The following DAB1 variants were observed in gnomAD, a reference collection of about 807,000 sequenced individuals.
DAB1 encodes the protein disabled homolog 1.
DAB1 carries 15 observed loss-of-function variants against 64.6 expected under a neutral mutation model. The observed-to-expected ratio is 0.23, with a 90% CI of 0.16 to 0.36. The LOEUF is 0.36. Ranked by LOEUF, DAB1 falls within the 10% of genes least tolerant of loss-of-function variation. The pLI is 1.00. For missense variants in DAB1, 596 were observed against 706.7 expected (o/e 0.84, Z 1.78); for synonymous variants, 235 against 251.9 (o/e 0.93, Z 0.64).
intron 5 of DAB1, among the ~76,000 whole-genome samples, chr1:58,018,411 T>A (rs1240139291): frequency 2.0e-5 from 3 of 152,078 alleles, no homozygotes; most frequent in Non-Finnish European, 4.4e-5. Context: ...AAACCCTACC[T>A]CCCTAGGCCC....
At chr1:58,095,948 G>A (rs1650951943) in intron 5 of DAB1, among the ~76,000 whole-genome samples, 1 of 152,202 alleles carries the variant, frequency 6.6e-6, no homozygotes, top group Admixed American at 6.5e-5. Context: ...ATAAAAGGAG[G>A]AGGCAAAGTG....
intron 4 of DAB1, among the ~76,000 whole-genome samples, chr1:58,172,626 G>T (rs143172118): frequency 1.3e-5 from 2 of 152,172 alleles, no homozygotes; most frequent in African/African-American, 4.8e-5. Context: ...TATGCCGCCC[G>T]AGATGATCTC....
At chr1:57,140,768 G>C (rs1417378371) in intron 3 of DAB1, among the ~76,000 whole-genome samples, 1 of 152,108 alleles carries the variant, frequency 6.6e-6, no homozygotes, top group African/African-American at 2.4e-5. Flanking sequence ...GCAATACCAC[G>C]TGCTAGGCAC....
intron 7 of DAB1, among the ~76,000 whole-genome samples, chr1:57,618,259 A>G (rs1182333631): frequency 1.3e-5 from 2 of 152,140 alleles, no homozygotes; most frequent in African/African-American, 4.8e-5. Context: ...TACTAAAAAT[A>G]CAAAAATTAG....
chr1:57,436,065 C>T lies in DAB1; in HGVS notation n.626-144899G>A, dbSNP rs541411302. On this transcript the variant is annotated intron_variant and non_coding_transcript_variant, in intron 7 of 20. Transcript: ENST00000485760. ...CTGAGTAGCTGGGACTACAGGCACC[C>T]GCCACCAAAGCTGGCTAATTTTTGT... Among the ~76,000 whole-genome samples, 189 of 151,804 alleles carry T rather than the reference C, an allele frequency of 1.2e-3. 1 individual carries two copies. Among genetic ancestry groups the T allele is most frequent in the African/African-American group, 3.7e-3 (155 of 41,408 alleles).
intron 7 of DAB1, among the ~76,000 whole-genome samples, chr1:57,550,604 A>G (rs1201959636): frequency 6.6e-6 from 1 of 151,014 alleles, no homozygotes; most frequent in Non-Finnish European, 1.5e-5. Flanking sequence ...TCAGTTATCC[A>G]TCCCGCCATC....
At chr1:58,283,603 G>A (rs992691346) in intron 4 of DAB1, among the ~76,000 whole-genome samples, 5 of 152,256 alleles carry the variant, frequency 3.3e-5, no homozygotes, top group African/African-American at 1.2e-4. Context: ...GCAAACTTGC[G>A]CGAGTCACTT....
intron 5 of DAB1, among the ~76,000 whole-genome samples, chr1:57,944,629 T>C (rs1013725179): frequency 3.3e-5 from 5 of 152,210 alleles, no homozygotes; most frequent in Admixed American, 2.0e-4. Context: ...AAAAGTTCCA[T>C]GGTTCCCAGC....
intron 4 of DAB1, among the ~76,000 whole-genome samples, chr1:58,338,982 T>C (rs144604984): frequency 0.011 from 1,633 of 152,250 alleles, 16 homozygotes; most frequent in South Asian, 0.047. Flanking sequence ...GGAAAGTGAA[T>C]TGATGGCTGT....
chr1:58,024,540 A>G (rs1325199414), intron 5 of DAB1, among the ~76,000 whole-genome samples: 2 of 152,226 alleles, frequency 1.3e-5, no homozygotes, highest in Non-Finnish European at 2.9e-5. Context: ...CCACTGTGTC[A>G]TGGGCTACAG....
intron 4 of DAB1, among the ~76,000 whole-genome samples, chr1:58,253,701 G>A (rs994970186): frequency 1.3e-5 from 2 of 152,240 alleles, no homozygotes; most frequent in African/African-American, 4.8e-5. Context: ...GAGAGATTGA[G>A]TGACTTGCTC....
chr1:57,736,432 T>C (rs1326539169), intron 6 of DAB1, among the ~76,000 whole-genome samples: 3 of 152,220 alleles, frequency 2.0e-5, no homozygotes, highest in Non-Finnish European at 4.4e-5. Flanking sequence ...CGAATGTTCA[T>C]AAATCGCAGC....
intron 3 of DAB1, among the ~76,000 whole-genome samples, chr1:58,439,432 G>T (rs556549149): frequency 4.0e-4 from 61 of 152,222 alleles, no homozygotes; most frequent in Non-Finnish European, 6.8e-4. Context: ...TATAGAAGGG[G>T]TATATAATCA....
intron 7 of DAB1, among the ~76,000 whole-genome samples, chr1:57,441,603 C>T (rs1008883592): frequency 1.6e-4 from 24 of 152,122 alleles, no homozygotes; most frequent in African/African-American, 5.1e-4. Context: ...ATCTGCCTGC[C>T]ACAGCCTCCC....
chr1:58,359,060 G>C (rs754487751), intron 3 of DAB1, among the ~76,000 whole-genome samples: 17 of 151,750 alleles, frequency 1.1e-4, no homozygotes, highest in Non-Finnish European at 1.9e-4. Context: ...CTTGGGTAGG[G>C]TAGAAAGAGG....
chr1:57,359,945 G>T (rs1313851151), intron 1 of DAB1, among the ~76,000 whole-genome samples: 3 of 151,986 alleles, frequency 2.0e-5, no homozygotes, highest in African/African-American at 7.2e-5. Flanking sequence ...GCTTGGGAGT[G>T]GGGGAAGGAT....
At chr1:57,425,907 T>G (rs1685267483), upstream of DAB1, among the ~76,000 whole-genome samples, 2 of 152,160 alleles carry the variant, frequency 1.3e-5, no homozygotes, top group African/African-American at 2.4e-5. Context: ...ACCAGGCAAC[T>G]CAATTAAGAT....
intron 4 of DAB1, among the ~76,000 whole-genome samples, chr1:58,267,733 C>A (rs1206491663): frequency 6.6e-6 from 1 of 152,182 alleles, no homozygotes; most frequent in Non-Finnish European, 1.5e-5. Context: ...GAACCTTATA[C>A]ACAATACCTT....
chr1:57,536,744 C>G (rs958667467), intron 7 of DAB1, among the ~76,000 whole-genome samples: 4 of 151,750 alleles, frequency 2.6e-5, no homozygotes, highest in African/African-American at 9.7e-5. Flanking sequence ...AAACTCCTTT[C>G]CTGCACTGCT....
Sources: gnomAD v4.1 joint callset for allele counts (sites outside exome capture counted in the v4.1 genomes callset) on GRCh38, gnomAD v4.1.1 for gene constraint, MANE v1.5 for transcripts, NCBI Gene and HGNC (gene_info 2026-07-23, HGNC 2026-07-21) for gene names.